The following KIAA0825 variants were observed in gnomAD, a reference collection of about 807,000 sequenced individuals.
KIAA0825 encodes the protein KIAA0825.
A neutral mutation model predicts 147.6 loss-of-function variants in KIAA0825; 119 were observed. The ratio of observed to expected loss-of-function variants is 0.81; its 90% CI spans 0.69 to 0.94. KIAA0825 has a LOEUF of 0.94. Among genes scored for constraint, KIAA0825 ranks in the 40% least tolerant of loss-of-function variants. The probability of loss-of-function intolerance (pLI) is 0.00; values close to 1 mark genes in which losing one functional copy is unlikely to be tolerated. For synonymous variants in KIAA0825, 470 were observed against 518.1 expected (o/e 0.91, Z 1.26); for missense variants, 1,381 against 1,472.7 (o/e 0.94, Z 1.02).
intron 20 of KIAA0825, among the ~76,000 whole-genome samples, chr5:94,194,170 A>G (rs141219316): frequency 0.01 from 1,545 of 152,122 alleles, 16 homozygotes; most frequent in Admixed American, 0.015. Flanking sequence ...CTTGCAGACA[A>G]TGTCTCCTCT....
At chr5:94,379,101 T>C (rs541954134) in intron 20 of KIAA0825, among the ~76,000 whole-genome samples, 37 of 152,358 alleles carry the variant, frequency 2.4e-4, no homozygotes, top group African/African-American at 7.9e-4. Context: ...AGAAGCTCTT[T>C]TGTTTAATTA....
At chr5:94,594,652 T>C (rs1784947930) in intron 1 of KIAA0825, 3 of 626,090 alleles carry the variant, frequency 4.8e-6, no homozygotes, top group Non-Finnish European at 8.9e-6. Context: ...AAATCTTCTA[T>C]GAAAAAATGA....
intron 20 of KIAA0825, among the ~76,000 whole-genome samples, chr5:94,216,737 C>G (rs1196520543): frequency 2.0e-5 from 3 of 152,162 alleles, no homozygotes; most frequent in Non-Finnish European, 4.4e-5. Flanking sequence ...GAGTATTAGA[C>G]TAGACAAGCC....
intron 15 of KIAA0825, among the ~76,000 whole-genome samples, chr5:94,404,336 A>G (rs185944923): frequency 1.3e-5 from 2 of 152,292 alleles, no homozygotes; most frequent in Non-Finnish European, 2.9e-5. Context: ...TTTTTATTAA[A>G]AATATGTATC....
At chr5:94,456,982 T>C (rs569543495) in intron 12 of KIAA0825, among the ~76,000 whole-genome samples, 30 of 152,230 alleles carry the variant, frequency 2.0e-4, no homozygotes, top group Non-Finnish European at 3.8e-4. Context: ...GGTATTTACC[T>C]GAGCATTTCT....
At chr5:94,575,029 A>G (rs1780744377) in intron 2 of KIAA0825, among the ~76,000 whole-genome samples, 1 of 152,194 alleles carries the variant, frequency 6.6e-6, no homozygotes, top group Non-Finnish European at 1.5e-5. Context: ...TGGGGCATCA[A>G]TGGAACTGTT....
chr5:94,382,126 A>C (rs29931), intron 20 of KIAA0825, among the ~76,000 whole-genome samples: 18,044 of 152,178 alleles, frequency 0.12, 1,193 homozygotes, highest in East Asian at 0.19. Context: ...TTAATTGGTG[A>C]ATTTGGAAGG....
chr5:94,501,826 G>A (rs1765123609), intron 5 of KIAA0825, among the ~76,000 whole-genome samples: 1 of 152,034 alleles, frequency 6.6e-6, no homozygotes, highest in African/African-American at 2.4e-5. Flanking sequence ...CAAGGAATAA[G>A]ACTTTCAAAG....
Position 94,594,400 on chromosome 5 carries a change from G to GTA in KIAA0825, c.-152-11818_-152-11817insTA, listed in dbSNP as rs1584993343. The stretch of plus-strand genomic sequence containing the variant: ...GCAGAGGTACTAGGAGGAATCAATT[G>GTA]TGTAAAAGCCTCAGTTCTTACTCCT... On this transcript the variant is annotated intron_variant, in intron 1 of 20. Coordinates refer to ENST00000682413, the MANE Select transcript of KIAA0825 (RefSeq NM_001145678.3). The GTA allele has an allele frequency of 3.9e-6, 3 of 771,834 alleles. No individual in the cohort carries two copies. The East Asian group carries it at 8.7e-5, about 22-fold the overall frequency. The allele number at this position is 771,834 out of a possible 1,614,324, so 47.8% of individuals were successfully genotyped here.
chr5:94,156,075 G>A (rs1265731143), intron 20 of KIAA0825, among the ~76,000 whole-genome samples: 5 of 152,178 alleles, frequency 3.3e-5, no homozygotes, highest in African/African-American at 1.2e-4. Context: ...TAATGGTTAA[G>A]CATTCTTTTA....
chr5:94,539,609 C>A (rs1300338643), intron 2 of KIAA0825, among the ~76,000 whole-genome samples: 2 of 152,124 alleles, frequency 1.3e-5, no homozygotes, highest in Admixed American at 1.3e-4. Flanking sequence ...CAGCACTGAT[C>A]AGCCAACTCT....
chr5:94,439,323 G>A (rs535233762), intron 14 of KIAA0825, among the ~76,000 whole-genome samples: 1 of 152,234 alleles, frequency 6.6e-6, no homozygotes, highest in Non-Finnish European at 1.5e-5. Flanking sequence ...TGTGAAAATG[G>A]TGAAAAGCTC....
intron 20 of KIAA0825, among the ~76,000 whole-genome samples, chr5:94,297,182 C>T (rs1174049357): frequency 6.6e-6 from 1 of 152,138 alleles, no homozygotes; most frequent in African/African-American, 2.4e-5. Flanking sequence ...AGACCAAGTT[C>T]CAGAGTAAAA....
chr5:94,493,441 A>T (rs533082102), intron 5 of KIAA0825, among the ~76,000 whole-genome samples: 1 of 152,308 alleles, frequency 6.6e-6, no homozygotes, highest in African/African-American at 2.4e-5. Context: ...ATGACAACCA[A>T]AATATGTATT....
intron 15 of KIAA0825, among the ~76,000 whole-genome samples, chr5:94,405,341 G>A (rs1264221591): frequency 6.6e-6 from 1 of 152,124 alleles, no homozygotes; most frequent in Non-Finnish European, 1.5e-5. Context: ...CTACTGTTAA[G>A]AAAGATGTTA....
Position 94,459,573 on chromosome 5 carries a change from G to A in KIAA0825, c.2246+2814C>T, listed in dbSNP as rs543356726. On this transcript the variant is annotated intron_variant, in intron 12 of 20. Transcript: ENST00000682413. ...AGTTTGAAACAGAACTATAAACAGA[G>A]CATTGGAATTTGGTGACTAAAAAGC... Among the ~76,000 whole-genome samples the A allele has an allele frequency of 1.7e-4, 26 of 152,270 alleles. No individual in the cohort carries two copies. In the South Asian group the frequency reaches 5.0e-3, roughly 29 times the overall value.
chr5:94,262,899 C>G (rs1776565722), intron 20 of KIAA0825, among the ~76,000 whole-genome samples: 1 of 151,990 alleles, frequency 6.6e-6, no homozygotes, highest in African/African-American at 2.4e-5. Context: ...TTGTGCCCCT[C>G]AAAGGGAGAC....
chr5:94,349,244 T>G (rs1389198754), intron 20 of KIAA0825, among the ~76,000 whole-genome samples: 1 of 152,136 alleles, frequency 6.6e-6, no homozygotes, highest in Admixed American at 6.5e-5. Flanking sequence ...CAGGAAAATA[T>G]CACAATCCTA....
In KIAA0825 at chr5:94,393,328, T is replaced by G. The variant is rs29919; in HGVS notation, c.3297-1634A>C. On this transcript the variant is annotated intron_variant, in intron 17 of 20. Transcript: ENST00000682413. Reference sequence around the variant, plus strand: ...TAATCTTCAACTCGACAAATTACTTTGCAAAGACAGATACTTCTTTACTTT... The same window carrying G: ...TAATCTTCAACTCGACAAATTACTTGGCAAAGACAGATACTTCTTTACTTT... Among the ~76,000 whole-genome samples the G allele has an allele frequency of 5.3e-5, 8 of 152,374 alleles. No individual in the cohort carries two copies. The East Asian group carries it at 1.5e-3, about 29-fold the overall frequency.
Sources: gnomAD v4.1 joint callset for allele counts (sites outside exome capture counted in the v4.1 genomes callset) on GRCh38, gnomAD v4.1.1 for gene constraint, MANE v1.5 for transcripts, NCBI Gene and HGNC (gene_info 2026-07-23, HGNC 2026-07-21) for gene names.